CLVS1: variants seen among roughly 807,000 people sequenced by gnomAD.
CLVS1 encodes clavesin-1.
CLVS1 carries 10 observed loss-of-function variants against 33.1 expected under a neutral mutation model. The observed-to-expected ratio is 0.30, with a 90% CI of 0.19 to 0.51. The LOEUF (loss-of-function observed/expected upper bound fraction) is 0.51. Ranked by LOEUF, CLVS1 falls within the 20% of genes least tolerant of loss-of-function variation. The pLI, the probability that CLVS1 is intolerant of heterozygous loss-of-function variation, is 0.97. For missense variants in CLVS1, 343 were observed against 433.4 expected, an observed-to-expected ratio of 0.79 and a Z score of 1.85; for synonymous variants, 163 against 166.1, an observed-to-expected ratio of 0.98 and a Z score of 0.14.
intron 3 of CLVS1, among the ~76,000 whole-genome samples, chr8:61,417,465 G>C (rs2083437): frequency 0.11 from 16,795 of 152,080 alleles, 2,879 homozygotes; most frequent in African/African-American, 0.36. Flanking sequence ...AAGACTGCTT[G>C]AAGTGCCAAA....
intron 3 of CLVS1, among the ~76,000 whole-genome samples, chr8:61,438,177 ACCCCCAACCTCC>A (rs1585974507): frequency 6.6e-6 from 1 of 151,790 alleles, no homozygotes; most frequent in East Asian, 1.9e-4. Context: ...CTCTGCTCGC[ACCCCCAACCTCC>A]CCCAACAGGC....
At chr8:61,200,115 C>A (rs184552928) in intron 2 of CLVS1, among the ~76,000 whole-genome samples, 1 of 151,978 alleles carries the variant, frequency 6.6e-6, no homozygotes, top group Non-Finnish European at 1.5e-5. Flanking sequence ...AAAACAAGTG[C>A]ACATTTATTT....
intron 2 of CLVS1, among the ~76,000 whole-genome samples, chr8:61,151,472 G>A (rs535780095): frequency 3.3e-5 from 5 of 152,284 alleles, no homozygotes; most frequent in Non-Finnish European, 7.3e-5. Context: ...CCTAGAAAGA[G>A]GCAGTTTTAT....
chr8:61,120,900 C>T (rs1805847693), intron 1 of CLVS1, among the ~76,000 whole-genome samples: 1 of 148,016 alleles, frequency 6.8e-6, no homozygotes, highest in Non-Finnish European at 1.5e-5. Flanking sequence ...GTAGGCTCCA[C>T]CCATTTCCAG....
chr8:60,965,627 G>A, the CLVS1 span, among the ~76,000 whole-genome samples: 1 of 152,172 alleles, frequency 6.6e-6, no homozygotes, highest in African/African-American at 2.4e-5. Flanking sequence ...TGATGAAACA[G>A]GAGGATGCAG....
At chr8:61,311,066 G>A (rs1208596739) in intron 2 of CLVS1, among the ~76,000 whole-genome samples, 1 of 152,176 alleles carries the variant, frequency 6.6e-6, no homozygotes, top group Non-Finnish European at 1.5e-5. Flanking sequence ...TTCCATAAGT[G>A]AGGTGGTTTT....
intron 1 of CLVS1, among the ~76,000 whole-genome samples, chr8:61,073,391 G>A (rs1340939626): frequency 1.3e-5 from 2 of 152,118 alleles, no homozygotes; most frequent in African/African-American, 4.8e-5. Flanking sequence ...CTAAAACCAT[G>A]ACTACATTTT....
chr8:61,152,367 C>T (rs1010199634), intron 2 of CLVS1, among the ~76,000 whole-genome samples: 3 of 152,098 alleles, frequency 2.0e-5, no homozygotes, highest in Non-Finnish European at 2.9e-5. Flanking sequence ...TGTCTCAGCC[C>T]GTTTGTACTG....
the CLVS1 span, among the ~76,000 whole-genome samples, chr8:60,974,536 G>T: frequency 6.6e-6 from 1 of 152,084 alleles, no homozygotes; most frequent in African/African-American, 2.4e-5. Flanking sequence ...ATTTTACCTT[G>T]ATGTGATACA....
the CLVS1 span, among the ~76,000 whole-genome samples, chr8:61,038,475 C>T: frequency 6.9e-6 from 1 of 145,808 alleles, no homozygotes; most frequent in Non-Finnish European, 1.5e-5. Flanking sequence ...TATATATACA[C>T]GTATATATAT....
intron 2 of CLVS1, among the ~76,000 whole-genome samples, chr8:61,304,490 CA>C (rs1402500601): frequency 6.6e-6 from 1 of 152,202 alleles, no homozygotes; most frequent in Non-Finnish European, 1.5e-5. Context: ...TGTATTTATA[CA>C]AAAAATGAAC....
At chr8:61,202,596 T>C in intron 2 of CLVS1, 3 of 1,374,934 alleles carry the variant, frequency 2.2e-6, no homozygotes, top group South Asian at 2.3e-5. Flanking sequence ...TGAAAATGTC[T>C]GTACAGCCAA....
chr8:61,440,877 T>C (rs1200167486), intron 3 of CLVS1, among the ~76,000 whole-genome samples: 1 of 152,246 alleles, frequency 6.6e-6, no homozygotes, highest in African/African-American at 2.4e-5. Flanking sequence ...CCTATTAAGA[T>C]ACGGAGTGGT....
At chr8:61,247,851 T>G (rs1450413687) in intron 2 of CLVS1, among the ~76,000 whole-genome samples, 1 of 152,192 alleles carries the variant, frequency 6.6e-6, no homozygotes, top group Admixed American at 6.5e-5. Flanking sequence ...TGTCATGAAA[T>G]TTTGCTTATT....
intron 2 of CLVS1, among the ~76,000 whole-genome samples, chr8:61,205,759 C>T (rs1807825942): frequency 6.6e-6 from 1 of 152,196 alleles, no homozygotes; most frequent in Non-Finnish European, 1.5e-5. Context: ...TCCACCTCCT[C>T]ATCAACACAT....
chr8:61,141,211 C>G (rs77119040), intron 2 of CLVS1, among the ~76,000 whole-genome samples: 2 of 152,078 alleles, frequency 1.3e-5, no homozygotes, highest in Non-Finnish European at 2.9e-5. Context: ...TCATCCTCTT[C>G]CTGCTTCTCC....
chr8:61,009,982 G>A, the CLVS1 span, among the ~76,000 whole-genome samples: 1 of 152,152 alleles, frequency 6.6e-6, no homozygotes, highest in East Asian at 1.9e-4. Context: ...TTACCATTGA[G>A]CTGATGAATT....
intron 2 of CLVS1, among the ~76,000 whole-genome samples, chr8:61,240,443 A>G (rs1009110893): frequency 6.6e-6 from 1 of 152,140 alleles, no homozygotes; most frequent in Non-Finnish European, 1.5e-5. Flanking sequence ...TCTGCCCAGC[A>G]ATTGGTCACC....
At chr8:61,232,257 C>G (rs889295365) in intron 2 of CLVS1, among the ~76,000 whole-genome samples, 1 of 151,682 alleles carries the variant, frequency 6.6e-6, no homozygotes, top group Non-Finnish European at 1.5e-5. Context: ...AGGACGGTCT[C>G]GATCTCCTGA....
Sources: gnomAD v4.1 joint callset for allele counts (sites outside exome capture counted in the v4.1 genomes callset) on GRCh38, gnomAD v4.1.1 for gene constraint, MANE v1.5 for transcripts, NCBI Gene and HGNC (gene_info 2026-07-23, HGNC 2026-07-21) for gene names.